ARPC5L: variants seen among roughly 807,000 people sequenced by gnomAD.
ARPC5L encodes the protein actin-related protein 2/3 complex subunit 5-like protein.
ARPC5L carries 4 observed loss-of-function variants against 16.9 expected under a neutral mutation model. The observed-to-expected ratio is 0.24, with a 90% confidence interval of 0.12 to 0.54. The LOEUF (loss-of-function observed/expected upper bound fraction) is 0.54, where lower values mean the gene tolerates loss of function less well. Ranked by LOEUF, ARPC5L falls within the 20% of genes least tolerant of loss-of-function variation. The pLI, the probability that ARPC5L is intolerant of heterozygous loss-of-function variation, is 0.95. For synonymous variants in ARPC5L, 78 were observed against 82.6 expected (o/e 0.94, Z 0.30); for missense variants, 151 against 201.9 (o/e 0.75, Z 1.53).
rs912853635 is a variant in ARPC5L, at chr9:124,862,137, G to A, written c.-1245G>A. 3.7e-5 allele frequency: 19 copies of A among 508,406 alleles called. No homozygotes were observed. Among genetic ancestry groups the A allele is most frequent in the Non-Finnish European group, 6.4e-5 (19 of 299,172 alleles). 31.5% of individuals were successfully genotyped at this position (508,406 alleles called of 1,614,324 possible). On this transcript the variant is annotated 5_prime_UTR_variant, in exon 1 of 6. Transcript: ENST00000353214. ...CCTTGTAGTGCTCGCCTCATTCACGGCACCCCTGATAGCGAGGTCGGCGTC... is the reference window on the plus strand; with the variant it reads ...CCTTGTAGTGCTCGCCTCATTCACGACACCCCTGATAGCGAGGTCGGCGTC...
intron 3 of ARPC5L, among the ~76,000 whole-genome samples, chr9:124,869,733 C>T (rs1829328510): frequency 2.0e-5 from 3 of 151,592 alleles, no homozygotes; most frequent in Admixed American, 1.3e-4. Context: ...CGCCCTCTTC[C>T]CTCCTTGCCT....
chr9:124,869,534 G>T, intron 3 of ARPC5L, 95 bp downstream of exon 3: 1 of 1,388,612 alleles, frequency 7.2e-7, no homozygotes, highest in Non-Finnish European at 9.3e-7. Context: ...GGCCTCCCCT[G>T]TCTCCGACCC....
intron 4 of ARPC5L, among the ~76,000 whole-genome samples, chr9:124,873,966 C>G (rs1352301777): frequency 1.3e-5 from 2 of 152,156 alleles, no homozygotes; most frequent in Non-Finnish European, 2.9e-5. Flanking sequence ...ACGAGAACCT[C>G]CCCACAGAAG....
rs1438803048 is a variant in ARPC5L at position 124,869,252 on chromosome 9, C to T, written c.-39C>T. 2 of 1,487,520 alleles carry T rather than the reference C, an allele frequency of 1.3e-6. No individual in the cohort carries two copies. The highest frequency in any genetic ancestry group is 1.8e-6 in the Non-Finnish European group (2 of 1,120,584). The allele number at this position is 1,487,520 out of a possible 1,614,324, so 92.1% of individuals were successfully genotyped here. On this transcript the variant is annotated 5_prime_UTR_variant, in exon 3 of 6. Coordinates refer to ENST00000353214, the MANE Select transcript of ARPC5L (RefSeq NM_030978.3). Reference sequence around the variant, plus strand: ...GAGCGGAGCAGAGCCGAGGTCGGGCCGCGAGCGGAGCCGGCTGAGCGGGCG... The same window carrying T: ...GAGCGGAGCAGAGCCGAGGTCGGGCTGCGAGCGGAGCCGGCTGAGCGGGCG...
intron 1 of ARPC5L, among the ~76,000 whole-genome samples, chr9:124,863,496 T>C (rs1224672632): frequency 6.6e-6 from 1 of 152,236 alleles, no homozygotes; most frequent in African/African-American, 2.4e-5. Context: ...ATTCTTGCTC[T>C]GCTGCCAAGG....
intron 2 of ARPC5L, among the ~76,000 whole-genome samples, chr9:124,865,685 CG>C (rs1314509286): frequency 3.3e-5 from 5 of 151,058 alleles, no homozygotes; most frequent in African/African-American, 1.2e-4. Context: ...CACAGCTATT[CG>C]GGAGGCTGAG....
chr9:124,867,421 TGA>T (rs1288743134), intron 2 of ARPC5L, among the ~76,000 whole-genome samples: 1 of 152,104 alleles, frequency 6.6e-6, no homozygotes, highest in African/African-American at 2.4e-5. Context: ...ATTACAGGTG[TGA>T]GCCACTGCGC....
chr9:124,869,379 C>T lies in ARPC5L; in HGVS notation c.89C>T (p.Ala30Val). ...ENKFVDEQEE[A>V]AAAAAEPGPD... is the part of the protein sequence containing the mutation. ...AAATTTGTGGACGAGCAGGAGGAGG[C>T]GGCGGCGGCGGCGGCGGAGCCAGGC... Residue 30 changes from alanine (A) to valine (V), a missense_variant, in exon 3 of 6, where the codon GCG becomes GTG. Physicochemically the swap from Ala to Val is moderately conservative, Grantham distance 64. Transcript: ENST00000353214. 1 of 1,481,282 alleles carries T rather than the reference C, an allele frequency of 6.8e-7. No homozygotes were observed. Among genetic ancestry groups the T allele is most frequent in the South Asian group, 1.3e-5 (1 of 77,538 alleles). 91.8% of individuals were successfully genotyped at this position (1,481,282 alleles called of 1,614,324 possible). A position where few individuals can be genotyped will look rare whatever the true frequency, so the allele number is the denominator to read the frequency against.
At chr9:124,864,669 C>T (rs983299375) in intron 2 of ARPC5L, among the ~76,000 whole-genome samples, 3 of 151,892 alleles carry the variant, frequency 2.0e-5, no homozygotes, top group African/African-American at 2.4e-5. Context: ...TGAGCTGCCG[C>T]GCCTGGCCCA....
rs1346351871 is a variant in ARPC5L at position 124,864,097 on chromosome 9, C to T, written c.-874C>T. On this transcript the variant is annotated 5_prime_UTR_variant, in exon 2 of 6. Coordinates refer to ENST00000353214, the MANE Select transcript of ARPC5L (RefSeq NM_030978.3). The stretch of plus-strand genomic sequence containing the variant: ...TGTTGGATGAATTAATGAACCTTGA[C>T]CCACACCAAGGTGAGGAAGGCTTTC... 6.6e-6 allele frequency: 1 copy of T among 152,138 alleles called. No homozygotes were observed. Among genetic ancestry groups the T allele is most frequent in the African/African-American group, 2.4e-5 (1 of 41,408 alleles). The allele number at this position is 152,138 out of a possible 1,614,324, so 9.4% of individuals were successfully genotyped here.
In ARPC5L at chr9:124,869,227, G is replaced by A; in HGVS notation, c.-64G>A. On this transcript the variant is annotated 5_prime_UTR_variant, in exon 3 of 6. Transcript: ENST00000353214. ...CCCGCCCCCGAGCAGGAGCCGGTGC[G>A]AGCGGAGCAGAGCCGAGGTCGGGCC... 2.1e-6 allele frequency: 3 copies of A among 1,398,854 alleles called. No homozygotes were observed. Among genetic ancestry groups the A allele is most frequent in the Admixed American group, 3.7e-5 (1 of 26,972 alleles). 86.7% of individuals were successfully genotyped at this position (1,398,854 alleles called of 1,614,324 possible). A position where few individuals can be genotyped will look rare whatever the true frequency, so the allele number is the denominator to read the frequency against.
rs1275299349 is a variant in ARPC5L at position 124,877,569 on chromosome 9, G to A, written c.*629G>A. 6.6e-6 allele frequency: 1 copy of A among 152,482 alleles called. No homozygotes were observed. Among genetic ancestry groups the A allele is most frequent in the Non-Finnish European group, 1.5e-5 (1 of 68,076 alleles). 9.4% of individuals were successfully genotyped at this position (152,482 alleles called of 1,614,324 possible). A position where few individuals can be genotyped will look rare whatever the true frequency, so the allele number is the denominator to read the frequency against. ...TGGGAGCGAGCATGGCAATCCACAG[G>A]CCCTCTGCCACAGGACGCCAGCCTC... On this transcript the variant is annotated 3_prime_UTR_variant, in exon 6 of 6. Coordinates refer to ENST00000353214, the MANE Select transcript of ARPC5L (RefSeq NM_030978.3).
chr9:124,874,905 C>A, intron 4 of ARPC5L, 70 bp from the exon 5 acceptor site: 1 of 1,585,940 alleles, frequency 6.3e-7, no homozygotes, highest in Non-Finnish European at 8.6e-7. Context: ...TGTGTCCTTG[C>A]TTTGGTGTGG....
At chr9:124,876,785 A>AGGTC in intron 5 of ARPC5L, 93 bp from the exon 6 acceptor site, 1 of 963,692 alleles carries the variant, frequency 1.0e-6, no homozygotes. Flanking sequence ...GACGGGATCT[A>AGGTC]GGTCAGGGAA....
intron 3 of ARPC5L, 185 bp from the exon 4 acceptor site, chr9:124,873,507 C>T: frequency 1.6e-6 from 1 of 636,772 alleles, no homozygotes; most frequent in Middle Eastern, 2.8e-4. Context: ...GCATGGTTGG[C>T]AGAGGTGCCC....
Position 124,873,492 on chromosome 9 carries a change from G to A in ARPC5L, c.150-200G>A, listed in dbSNP as rs146736996. ...AAGGTAGAGAGGGAGTTGAAAGGAG[G>A]GTTTGCATGGTTGGCAGAGGTGCCC... On this transcript the variant is annotated intron_variant, in intron 3 of 5. Coordinates refer to ENST00000353214, the MANE Select transcript of ARPC5L (RefSeq NM_030978.3). The A allele has an allele frequency of 9.5e-4, 579 of 611,228 alleles. 1 individual carries two copies. Among genetic ancestry groups the A allele is most frequent in the Non-Finnish European group, 1.5e-3 (493 of 339,740 alleles). The allele number at this position is 611,228 out of a possible 1,614,324, so 37.9% of individuals were successfully genotyped here.
At chr9:124,870,013 GTCTC>G (rs1829333239) in intron 3 of ARPC5L, among the ~76,000 whole-genome samples, 2 of 152,188 alleles carry the variant, frequency 1.3e-5, no homozygotes, top group Non-Finnish European at 2.9e-5. Context: ...CTGAGATTGT[GTCTC>G]TCTTCCCCCA....
intron 3 of ARPC5L, chr9:124,872,847 G>A (rs975341770): frequency 1.3e-5 from 2 of 152,250 alleles, no homozygotes; most frequent in South Asian, 2.1e-4. Flanking sequence ...GCTCTGCTCC[G>A]AAGGCCCTTC....
chr9:124,866,488 G>A (rs1192682120), intron 2 of ARPC5L, among the ~76,000 whole-genome samples: 2 of 152,066 alleles, frequency 1.3e-5, no homozygotes, highest in South Asian at 2.1e-4. Flanking sequence ...TTGGGAGGCC[G>A]AGGTGGGCAG....
Sources: allele counts gnomAD v4.1 joint callset (sites outside exome capture counted in the v4.1 genomes callset), GRCh38; gene constraint gnomAD v4.1.1; transcripts MANE v1.5; gene names NCBI Gene and HGNC (gene_info 2026-07-23, HGNC 2026-07-21).